ZFYVE9: variants seen among roughly 807,000 people sequenced by gnomAD.
ZFYVE9 encodes the protein zinc finger FYVE-type containing 9, also known as zinc finger FYVE domain-containing protein 9.
Under a neutral mutation model 126.7 loss-of-function variants are expected in ZFYVE9, and 43 were observed. The ratio of observed to expected loss-of-function variants is 0.34; its 90% CI spans 0.27 to 0.44. The LOEUF (loss-of-function observed/expected upper bound fraction) is 0.44. Ranked by LOEUF, ZFYVE9 falls within the 20% of genes least tolerant of loss-of-function variation. The pLI is 1.00. For synonymous variants in ZFYVE9, 521 were observed against 597.4 expected, an observed-to-expected ratio of 0.87 and a Z score of 1.87; for missense variants, 1,476 against 1,697.0, an observed-to-expected ratio of 0.87 and a Z score of 2.29.
At chr1:52,252,728 C>A in intron 4 of ZFYVE9, 1 of 457,614 alleles carries the variant, frequency 2.2e-6, no homozygotes, top group South Asian at 1.7e-5. Flanking sequence ...CCTGCAAATC[C>A]TGCAGCAGCA....
chr1:52,315,402 T>A (rs1049915664), intron 13 of ZFYVE9, among the ~76,000 whole-genome samples: 2 of 152,176 alleles, frequency 1.3e-5, no homozygotes, highest in African/African-American at 2.4e-5. Context: ...CACTCCAGCT[T>A]GGGCAATGGA....
Position 52,278,626 on chromosome 1 carries a change from A to G in ZFYVE9, c.2869+12A>G, listed in dbSNP as rs746750782. On this transcript the variant is annotated intron_variant, in intron 9 of 18. Coordinates refer to ENST00000287727, the MANE Select transcript of ZFYVE9 (RefSeq NM_004799.4). ...TAAAATTGTAAATTGTAAGTTATAAATTTTTAAAAATTAAAATCAGATGTT... is the reference window on the plus strand; with the variant it reads ...TAAAATTGTAAATTGTAAGTTATAAGTTTTTAAAAATTAAAATCAGATGTT... 1 of 1,494,460 alleles carries G rather than the reference A, an allele frequency of 6.7e-7. No individual in the cohort carries two copies. Among genetic ancestry groups the G allele is most frequent in the Non-Finnish European group, 9.1e-7 (1 of 1,099,478 alleles). 92.6% of individuals were successfully genotyped at this position (1,494,460 alleles called of 1,614,324 possible). A position where few individuals can be genotyped will look rare whatever the true frequency, so the allele number is the denominator to read the frequency against.
chr1:52,253,961 T>G, intron 4 of ZFYVE9: 1 of 832,412 alleles, frequency 1.2e-6, no homozygotes, highest in Non-Finnish European at 2.1e-6. Context: ...CTTGAATTGG[T>G]GGAACCAAGT....
chr1:52,252,603 C>T (rs1645461054), intron 4 of ZFYVE9: 1 of 227,998 alleles, frequency 4.4e-6, no homozygotes, highest in African/African-American at 2.3e-5. Flanking sequence ...CATGATACGC[C>T]CACCTTGGCC....
intron 1 of ZFYVE9, among the ~76,000 whole-genome samples, chr1:52,213,321 TG>T (rs1273544465): frequency 6.6e-6 from 1 of 152,216 alleles, no homozygotes; most frequent in African/African-American, 2.4e-5. Context: ...TTTTATTGTA[TG>T]TCACTTCTCA....
intron 10 of ZFYVE9, among the ~76,000 whole-genome samples, chr1:52,287,355 C>T (rs976883794): frequency 6.6e-6 from 1 of 152,176 alleles, no homozygotes; most frequent in African/African-American, 2.4e-5. Flanking sequence ...TCAGGTGATC[C>T]ACCCGCCTGG....
At chr1:52,289,026 A>G (rs894116243) in intron 10 of ZFYVE9, among the ~76,000 whole-genome samples, 7 of 152,114 alleles carry the variant, frequency 4.6e-5, no homozygotes, top group Non-Finnish European at 8.8e-5. Context: ...TGTGAGGATT[A>G]ATAAATATAC....
At chr1:52,259,625 TAAA>T (rs541679465) in intron 4 of ZFYVE9, among the ~76,000 whole-genome samples, 5 of 84,160 alleles carry the variant, frequency 5.9e-5, no homozygotes, top group Admixed American at 1.4e-4. Flanking sequence ...CTGTCTCTAC[TAAA>T]AAAAAAAAAA....
chr1:52,163,329 A>G (rs781265610), intron 1 of ZFYVE9, among the ~76,000 whole-genome samples: 16 of 152,176 alleles, frequency 1.1e-4, no homozygotes, highest in Non-Finnish European at 2.2e-4. Context: ...ACTCATGTCT[A>G]TGAGGTGCTC....
intron 2 of ZFYVE9, among the ~76,000 whole-genome samples, chr1:52,226,073 G>T (rs1440595379): frequency 1.3e-5 from 2 of 152,162 alleles, no homozygotes; most frequent in Non-Finnish European, 2.9e-5. Context: ...AGATTGGTTC[G>T]ATCAGGTATG....
chr1:52,190,790 G>C (rs1381416880), intron 1 of ZFYVE9, among the ~76,000 whole-genome samples: 1 of 152,166 alleles, frequency 6.6e-6, no homozygotes, highest in African/African-American at 2.4e-5. Flanking sequence ...AAGGGTAGAA[G>C]ATAGTAATAT....
At chr1:52,296,027 G>C (rs779435634) in intron 12 of ZFYVE9, 50 bp downstream of exon 12, 1 of 1,519,468 alleles carries the variant, frequency 6.6e-7, no homozygotes, top group South Asian at 1.2e-5. Flanking sequence ...TTATATGGGA[G>C]AAGGAAGAAA....
chr1:52,219,066 G>A (rs764310430), intron 2 of ZFYVE9, among the ~76,000 whole-genome samples: 30 of 151,968 alleles, frequency 2.0e-4, no homozygotes, highest in Non-Finnish European at 3.8e-4. Context: ...CTGATATTTC[G>A]TGGTCCAGAT....
intron 2 of ZFYVE9, 106 bp from the exon 3 acceptor site, chr1:52,233,065 A>G: frequency 5.0e-6 from 2 of 400,450 alleles, no homozygotes; most frequent in Non-Finnish European, 8.1e-6. Flanking sequence ...TTTGTAGTTT[A>G]CCATTATCTG....
intron 1 of ZFYVE9, among the ~76,000 whole-genome samples, chr1:52,182,217 C>T (rs1365989040): frequency 6.6e-6 from 1 of 152,218 alleles, no homozygotes; most frequent in East Asian, 1.9e-4. Flanking sequence ...TGAGGAGCCC[C>T]TCTGCCCGGC....
chr1:52,310,688 A>G (rs1238913538), intron 13 of ZFYVE9, among the ~76,000 whole-genome samples: 1 of 152,162 alleles, frequency 6.6e-6, no homozygotes, highest in Non-Finnish European at 1.5e-5. Flanking sequence ...TTAAATAATT[A>G]CCAATTTAGT....
At chr1:52,290,521 GA>G (rs1227515975) in intron 10 of ZFYVE9, among the ~76,000 whole-genome samples, 1 of 151,934 alleles carries the variant, frequency 6.6e-6, no homozygotes, top group African/African-American at 2.4e-5. Context: ...ATAAAGAGAT[GA>G]AAAAAAATTT....
intron 4 of ZFYVE9, among the ~76,000 whole-genome samples, chr1:52,251,741 A>G (rs372121206): frequency 1.2e-4 from 18 of 152,106 alleles, no homozygotes; most frequent in African/African-American, 3.1e-4. Context: ...CTCCTCTTCA[A>G]TTTTTTGGAA....
chr1:52,188,444 A>G (rs1442970972), intron 1 of ZFYVE9, among the ~76,000 whole-genome samples: 1 of 152,208 alleles, frequency 6.6e-6, no homozygotes, highest in Non-Finnish European at 1.5e-5. Context: ...TTACCTGTAT[A>G]ACAAACCTGC....
Sources: gnomAD v4.1 joint callset for allele counts (sites outside exome capture counted in the v4.1 genomes callset) on GRCh38, gnomAD v4.1.1 for gene constraint, MANE v1.5 for transcripts, NCBI Gene and HGNC (gene_info 2026-07-23, HGNC 2026-07-21) for gene names.